MARCHF7: variants seen among roughly 807,000 people sequenced by gnomAD.
The protein encoded by MARCHF7 is membrane associated ring-CH-type finger 7, also known as E3 ubiquitin-protein ligase MARCHF7.
A neutral mutation model predicts 76.5 loss-of-function variants in MARCHF7; 20 were observed. The ratio of observed to expected loss-of-function variants is 0.26; its 90% CI spans 0.18 to 0.38. The LOEUF (loss-of-function observed/expected upper bound fraction) is 0.38. MARCHF7 is among the 10% of genes least tolerant of loss of function. MARCHF7 has a pLI of 1.00. For missense variants in MARCHF7, 797 were observed against 812.9 expected (o/e 0.98, Z 0.24); for synonymous variants, 295 against 293.0 (o/e 1.01, Z -0.07).
chr2:159,761,882 A>G (rs989560966), intron 9 of MARCHF7, among the ~76,000 whole-genome samples: 1 of 152,168 alleles, frequency 6.6e-6, no homozygotes, highest in Non-Finnish European at 1.5e-5. Flanking sequence ...TATATTTATG[A>G]TTTGTATTCA....
rs1293508151 is a variant in MARCHF7 at position 159,748,457 on chromosome 2, A to G, written c.1167A>G (p.Ser389=). 1 of 1,614,136 alleles carries G rather than the reference A, an allele frequency of 6.2e-7. No homozygotes were observed. Among genetic ancestry groups the G allele is most frequent in the Non-Finnish European group, 8.5e-7 (1 of 1,180,010 alleles). ...GRNTGPWLSS[S]LRNRCTPLFS... ...ATACAGGACCATGGTTATCTTCCTCACTTAGAAATAGATGCACACCTTTGT... is the reference window on the plus strand; with the variant it reads ...ATACAGGACCATGGTTATCTTCCTCGCTTAGAAATAGATGCACACCTTTGT... Residue 389 remains serine (S), a synonymous_variant, in exon 7 of 12, where the codon TCA becomes TCG. Transcript: ENST00000409175.
At position 159,737,698 on chromosome 2, in the gene MARCHF7, G is replaced by A. The variant is rs1703624906; in HGVS notation, c.154-5363G>A. On this transcript the variant is annotated intron_variant, in intron 4 of 11. Transcript: ENST00000409175. ...AGCTACTCTGGAGGCTGAGGTGGAA[G>A]GATTGCTTGGGCCCAGGAAGTCAAG... Among the ~76,000 whole-genome samples, 3 of 152,148 alleles carry A rather than the reference G, an allele frequency of 2.0e-5. No individual in the cohort carries two copies. In the South Asian group the frequency reaches 6.2e-4, roughly 31 times the overall value.
chr2:159,770,999 A>G lies in MARCHF7; in HGVS notation c.*3657A>G, dbSNP rs1176521362. 6.6e-6 allele frequency: 1 copy of G among 152,184 alleles called. No individual in the cohort carries two copies. The highest frequency in any genetic ancestry group is 2.4e-5 in the African/African-American group (1 of 41,448). The allele number at this position is 152,184 out of a possible 1,614,324, so 9.4% of individuals were successfully genotyped here. ...TCACCTTTTTCTTAAAATGTACAATAAATGCACTGAAAACTTTGATCACTG... is the reference window on the plus strand; with the variant it reads ...TCACCTTTTTCTTAAAATGTACAATGAATGCACTGAAAACTTTGATCACTG... On this transcript the variant is annotated 3_prime_UTR_variant, in exon 12 of 12. Coordinates refer to ENST00000409175, the MANE Select transcript of MARCHF7 (RefSeq NM_001282805.2).
chr2:159,718,069 C>T (rs1701238172), intron 3 of MARCHF7, among the ~76,000 whole-genome samples: 1 of 152,218 alleles, frequency 6.6e-6, no homozygotes, highest in Admixed American at 6.5e-5. Context: ...TTGCTGAACA[C>T]ATGCTGTGTG....
chr2:159,770,388 A>G lies in MARCHF7; in HGVS notation c.*3046A>G, dbSNP rs1414925243. 6.6e-6 allele frequency: 1 copy of G among 152,126 alleles called. No homozygotes were observed. Among genetic ancestry groups the G allele is most frequent in the Non-Finnish European group, 1.5e-5 (1 of 68,014 alleles). 9.4% of individuals were successfully genotyped at this position (152,126 alleles called of 1,614,324 possible). On this transcript the variant is annotated 3_prime_UTR_variant, in exon 12 of 12. Transcript: ENST00000409175. ...AATAGTTTTCTATCACTTTTTAGTT[A>G]CTCATGTCTCATTAATGATAGTGCC...
At position 159,745,769 on chromosome 2, in the gene MARCHF7, G is replaced by A. The variant is rs1168025624; in HGVS notation, c.347-1G>A. 1 of 1,587,782 alleles carries A rather than the reference G, an allele frequency of 6.3e-7. No individual in the cohort carries two copies. The highest frequency in any genetic ancestry group is 8.5e-7 in the Non-Finnish European group (1 of 1,170,336). On this transcript the variant is annotated splice_acceptor_variant, in intron 5 of 11. Coordinates refer to ENST00000409175, the MANE Select transcript of MARCHF7 (RefSeq NM_001282805.2). LOFTEE classifies it high-confidence loss of function. ...AATAAAACTTCTTCATTTATTTTAA[G>A]ATTCATCTTGGAGGCATAGTCAAGT...
rs1175018681 is a variant in MARCHF7 at position 159,727,376 on chromosome 2, A to G, written c.-14-1633A>G. On this transcript the variant is annotated intron_variant, in intron 3 of 11. Transcript: ENST00000409175. ...GCCGAGGCGGGCAGATCACGAAGTC[A>G]GGAGATCGAGACCATCCTGGTTAAC... 2.6e-5 allele frequency among the ~76,000 whole-genome samples: 4 copies of G among 152,264 alleles called. No individual in the cohort carries two copies. The South Asian group carries it at 6.2e-4, about 24-fold the overall frequency.
chr2:159,755,753 C>T (rs1574410018), intron 8 of MARCHF7, among the ~76,000 whole-genome samples: 2 of 152,078 alleles, frequency 1.3e-5, no homozygotes, highest in South Asian at 4.1e-4. Flanking sequence ...AAGATCTGAT[C>T]ATTATAGCAT....
chr2:159,740,185 CATCT>C (rs1023561010), intron 4 of MARCHF7, among the ~76,000 whole-genome samples: 50 of 152,180 alleles, frequency 3.3e-4, no homozygotes, highest in Admixed American at 2.8e-3. Flanking sequence ...TCTTTCTGTT[CATCT>C]ATTTCGTCTT....
chr2:159,763,114 T>A (rs1707312065), intron 10 of MARCHF7, 121 bp downstream of exon 10: 2 of 497,688 alleles, frequency 4.0e-6, no homozygotes, highest in Non-Finnish European at 6.8e-6. Flanking sequence ...TTTTTAAATG[T>A]TTCTTAAAAA....
chr2:159,748,644 G>A lies in MARCHF7; in HGVS notation c.1354G>A (p.Ala452Thr). Residue 452 changes from alanine to threonine, a missense_variant, in exon 7 of 12, where the codon GCA (alanine) becomes ACA (threonine). By Grantham distance (58) the Ala-to-Thr change is moderately conservative. Coordinates refer to ENST00000409175, the MANE Select transcript of MARCHF7 (RefSeq NM_001282805.2). ...GAAANRPQAS[A>T]ASSSATTGGS... The stretch of plus-strand genomic sequence containing the variant: ...TGCTGCCAACAGACCACAAGCATCT[G>A]CAGCATCAAGCAGTGCCACAACAGG... 6.2e-7 allele frequency: 1 copy of A among 1,614,206 alleles called. No individual in the cohort carries two copies. Among genetic ancestry groups the A allele is most frequent in the Non-Finnish European group, 8.5e-7 (1 of 1,180,032 alleles).
intron 3 of MARCHF7, among the ~76,000 whole-genome samples, chr2:159,721,462 ATACT>A (rs1701634245): frequency 6.6e-6 from 1 of 152,222 alleles, no homozygotes; most frequent in African/African-American, 2.4e-5. Flanking sequence ...AGGTGAAGAC[ATACT>A]TAACAGAGTA....
At chr2:159,766,293 AGAGTT>A (rs1334384466) in intron 11 of MARCHF7, among the ~76,000 whole-genome samples, 3 of 152,180 alleles carry the variant, frequency 2.0e-5, no homozygotes, top group Non-Finnish European at 4.4e-5. Context: ...ACTTAACAGT[AGAGTT>A]TATTATCAGT....
At chr2:159,765,348 C>G (rs532798716) in intron 11 of MARCHF7, among the ~76,000 whole-genome samples, 1 of 152,168 alleles carries the variant, frequency 6.6e-6, no homozygotes, top group Admixed American at 6.5e-5. Flanking sequence ...TCTCAAATCT[C>G]TACAGGCATC....
chr2:159,768,920 C>A lies in MARCHF7; in HGVS notation c.*1578C>A, dbSNP rs918230208. The A allele has an allele frequency of 3.3e-5, 5 of 152,114 alleles. No homozygotes were observed. The highest frequency in any genetic ancestry group is 1.2e-4 in the African/African-American group (5 of 41,448). 9.4% of individuals were successfully genotyped at this position (152,114 alleles called of 1,614,324 possible). On this transcript the variant is annotated 3_prime_UTR_variant, in exon 12 of 12. Transcript: ENST00000409175. Reference sequence around the variant, plus strand: ...GGTACAAAACATTCATTGGTATGCACATAATTCTGTATAGTTTTGTTATTA... The same window carrying A: ...GGTACAAAACATTCATTGGTATGCAAATAATTCTGTATAGTTTTGTTATTA...
intron 10 of MARCHF7, among the ~76,000 whole-genome samples, chr2:159,763,436 A>G (rs1303311632): frequency 6.6e-6 from 1 of 152,242 alleles, no homozygotes; most frequent in Non-Finnish European, 1.5e-5. Context: ...TGTCCATATT[A>G]CAAAGTATTT....
intron 4 of MARCHF7, chr2:159,733,100 A>G (rs1248962401): frequency 2.1e-5 from 6 of 291,564 alleles, no homozygotes; most frequent in Non-Finnish European, 2.5e-5. Flanking sequence ...TACTGTTACC[A>G]TTATTATTTC....
rs1178759963 is a variant in MARCHF7 at position 159,729,011 on chromosome 2, A to T, written c.-12A>T. The stretch of plus-strand genomic sequence containing the variant: ...TAATGAAAATTTTTATTTCACAGAA[A>T]AATCTTTAAGAATGGAGTCTAAACC... On this transcript the variant is annotated splice_region_variant and 5_prime_UTR_variant, in exon 4 of 12. Coordinates refer to ENST00000409175, the MANE Select transcript of MARCHF7 (RefSeq NM_001282805.2). The T allele has an allele frequency of 6.5e-7, 1 of 1,542,128 alleles. No individual in the cohort carries two copies. Among genetic ancestry groups the T allele is most frequent in the Non-Finnish European group, 8.7e-7 (1 of 1,149,464 alleles).
chr2:159,759,169 A>G (rs1560026006), intron 8 of MARCHF7, 57 bp from the exon 9 acceptor site: 4 of 900,008 alleles, frequency 4.4e-6, no homozygotes, highest in Non-Finnish European at 7.1e-6. Flanking sequence ...AACGAGGAAA[A>G]GTGTTTTATG....
Sources: allele counts gnomAD v4.1 joint callset (sites outside exome capture counted in the v4.1 genomes callset), GRCh38; gene constraint gnomAD v4.1.1; transcripts MANE v1.5; gene names NCBI Gene and HGNC (gene_info 2026-07-23, HGNC 2026-07-21).